IL2RA: variants seen among roughly 807,000 people sequenced by gnomAD.
IL2RA encodes the protein interleukin 2 receptor subunit alpha.
IL2RA carries 24 observed loss-of-function variants against 37.8 expected under a neutral mutation model. That is an observed-to-expected ratio of 0.63 (90% CI 0.46 to 0.89). IL2RA has a LOEUF of 0.89. IL2RA is among the 40% of genes least tolerant of loss of function. IL2RA has a pLI of 0.00. For synonymous variants in IL2RA, 125 were observed against 114.6 expected (o/e 1.09, Z -0.58); for missense variants, 319 against 348.6 (o/e 0.92, Z 0.68).
chr10:6,016,711 T>C (rs974257559), intron 7 of IL2RA, among the ~76,000 whole-genome samples: 2 of 152,154 alleles, frequency 1.3e-5, no homozygotes, highest in African/African-American at 4.8e-5. Flanking sequence ...TAGCTGGGAT[T>C]ACAGGCACCC....
At chr10:6,013,045 G>A in intron 7 of IL2RA, 149 bp from the exon 8 acceptor site, 2 of 750,894 alleles carry the variant, frequency 2.7e-6, no homozygotes, top group Non-Finnish European at 2.3e-6. Context: ...GGCCAGGCTG[G>A]TCTCGAACTC....
chr10:6,019,612 A>G (rs1839346449), intron 5 of IL2RA, 113 bp from the exon 6 acceptor site: 1 of 864,110 alleles, frequency 1.2e-6, no homozygotes, highest in Non-Finnish European at 2.0e-6. Context: ...CTGGTGGGAG[A>G]CACGTGGTGG....
intron 1 of IL2RA, among the ~76,000 whole-genome samples, chr10:6,050,913 GTGAAAGGT>G (rs1839943309): frequency 6.6e-6 from 1 of 152,202 alleles, no homozygotes; most frequent in South Asian, 2.1e-4. Context: ...GGTCCGGTGG[GTGAAAGGT>G]AGTGAAAGCC....
chr10:6,059,485 T>C (rs988925936), intron 1 of IL2RA, among the ~76,000 whole-genome samples: 2 of 152,228 alleles, frequency 1.3e-5, no homozygotes, highest in Non-Finnish European at 2.9e-5. Flanking sequence ...TAAATTTTCT[T>C]GTAGTTCTTT....
intron 7 of IL2RA, among the ~76,000 whole-genome samples, chr10:6,013,908 T>G (rs1305173058): frequency 6.7e-6 from 1 of 149,968 alleles, no homozygotes. Flanking sequence ...CACAGCTCAC[T>G]GCAATCTTGA....
chr10:6,061,825 T>C (rs1397655945), intron 1 of IL2RA, among the ~76,000 whole-genome samples: 1 of 152,170 alleles, frequency 6.6e-6, no homozygotes, highest in African/African-American at 2.4e-5. Context: ...ATCCCAAATA[T>C]CATGCCACAC....
In IL2RA at chr10:6,025,375, G is replaced by A. The variant is rs1839464767; in HGVS notation, c.256+459C>T. 6.6e-6 allele frequency among the ~76,000 whole-genome samples: 1 copy of A among 151,678 alleles called. No individual in the cohort carries two copies. The highest frequency in any genetic ancestry group is 6.6e-5 in the Admixed American group (1 of 15,210). ...TCAAAAATAAAAATAAAATTGTGTG[G>A]CCGGGCACTGTGACTCATGCCTGTA... is the stretch of plus-strand genomic sequence containing the variant. On this transcript the variant is annotated intron_variant, in intron 2 of 7. Coordinates refer to ENST00000379959, the MANE Select transcript of IL2RA (RefSeq NM_000417.3). This position sits in a 1 kb window ranked among gnomAD's most constrained non-coding sequence, Gnocchi z 4.4.
In IL2RA at chr10:6,012,955, T is replaced by A. The variant is rs2132840793; in HGVS notation, c.795-59A>T. On this transcript the variant is annotated intron_variant, in intron 7 of 7. Coordinates refer to ENST00000379959, the MANE Select transcript of IL2RA (RefSeq NM_000417.3). The surrounding 1 kb of genome is among the most constrained non-coding windows in gnomAD (Gnocchi z 4.8). ...GTAACACGGCACCAAAAAAATGTGG[T>A]CCTCACTCTAAACCAGTGCACACGC... 8 of 1,551,432 alleles carry A rather than the reference T, an allele frequency of 5.2e-6. No homozygotes were observed. In the South Asian group the frequency reaches 8.9e-5, roughly 17 times the overall value.
intron 1 of IL2RA, among the ~76,000 whole-genome samples, chr10:6,037,649 G>C (rs946333601): frequency 6.6e-6 from 1 of 152,176 alleles, no homozygotes; most frequent in African/African-American, 2.4e-5. Context: ...TTCATCTTCT[G>C]TGTCAGAATC....
chr10:6,030,411 G>T (rs1481061383), intron 1 of IL2RA, among the ~76,000 whole-genome samples: 2 of 152,108 alleles, frequency 1.3e-5, no homozygotes, highest in Admixed American at 6.6e-5. Flanking sequence ...GAAAGGACAC[G>T]TACCTACAGC....
At chr10:6,031,733 A>G (rs138596056) in intron 1 of IL2RA, among the ~76,000 whole-genome samples, 3 of 152,024 alleles carry the variant, frequency 2.0e-5, no homozygotes, top group South Asian at 4.1e-4. Flanking sequence ...AAAATATACT[A>G]TCTTTATAGA....
chr10:6,026,755 A>C (rs756698002), intron 1 of IL2RA, among the ~76,000 whole-genome samples: 2 of 152,200 alleles, frequency 1.3e-5, no homozygotes, highest in Non-Finnish European at 2.9e-5. Context: ...TTGGGGGGAA[A>C]TATCACATGC....
Position 6,015,859 on chromosome 10 carries a change from G to A in IL2RA, c.794+2194C>T, listed in dbSNP as rs572775760. ...GACTATCCCAGACATAAAAGGCCAC[G>A]TGATTCCATTTACACGAAATGTCCA... On this transcript the variant is annotated intron_variant, in intron 7 of 7. Transcript: ENST00000379959. The surrounding 1 kb of genome is among the most constrained non-coding windows in gnomAD (Gnocchi z 4.9). Among the ~76,000 whole-genome samples the A allele has an allele frequency of 1.3e-5, 2 of 152,244 alleles. No individual in the cohort carries two copies. The highest frequency in any genetic ancestry group is 2.1e-4 in the South Asian group (1 of 4,824).
In IL2RA at chr10:6,036,576, G is replaced by A. The variant is rs7100984; in HGVS notation, c.65-10551C>T. 0.22 allele frequency: 34,084 copies of A among 152,152 alleles called. 4,715 individuals are homozygous for A. Among genetic ancestry groups the A allele is most frequent in the Non-Finnish European group, 0.31 (20,893 of 67,990 alleles). The allele number at this position is 152,152 out of a possible 1,614,324, so 9.4% of individuals were successfully genotyped here. A position where few individuals can be genotyped will look rare whatever the true frequency, so the allele number is the denominator to read the frequency against. On this transcript the variant is annotated intron_variant, in intron 1 of 7. Coordinates refer to ENST00000379959, the MANE Select transcript of IL2RA (RefSeq NM_000417.3). This position sits in a 1 kb window ranked among gnomAD's most constrained non-coding sequence, Gnocchi z 6.1. ...TAAACAGCAGCCTGGGCAGGCCAGCGGCTCTTCCCTGACGTGGAATTATGA... is the reference window on the plus strand; with the variant it reads ...TAAACAGCAGCCTGGGCAGGCCAGCAGCTCTTCCCTGACGTGGAATTATGA...
In IL2RA at chr10:6,036,984, G is replaced by A. The variant is rs1839694667; in HGVS notation, c.65-10959C>T. 6.6e-6 allele frequency among the ~76,000 whole-genome samples: 1 copy of A among 152,188 alleles called. No individual in the cohort carries two copies. Among genetic ancestry groups the A allele is most frequent in the Non-Finnish European group, 1.5e-5 (1 of 68,026 alleles). On this transcript the variant is annotated intron_variant, in intron 1 of 7. Coordinates refer to ENST00000379959, the MANE Select transcript of IL2RA (RefSeq NM_000417.3). This position sits in a 1 kb window ranked among gnomAD's most constrained non-coding sequence, Gnocchi z 6.1. ...CAAGCTCCTACATGATGCTGGGGCTGCAGAGCCCCAGGCCGCACTTGGAGT... is the reference window on the plus strand; with the variant it reads ...CAAGCTCCTACATGATGCTGGGGCTACAGAGCCCCAGGCCGCACTTGGAGT...
intron 3 of IL2RA, among the ~76,000 whole-genome samples, 182 bp downstream of exon 3, chr10:6,024,062 G>C (rs1839435785): frequency 6.6e-6 from 1 of 152,338 alleles, no homozygotes; most frequent in East Asian, 1.9e-4. Flanking sequence ...TAGTTGCTGA[G>C]CAAACAGCCT....
chr10:6,018,153 C>A lies in IL2RA; in HGVS notation c.728-34G>T. 1 of 1,592,096 alleles carries A rather than the reference C, an allele frequency of 6.3e-7. No individual in the cohort carries two copies. The highest frequency in any genetic ancestry group is 8.6e-7 in the Non-Finnish European group (1 of 1,160,952). ...AGAGAGAGGGAGTTCAGCAAAGGGCCCTGGGCTTGGCATGGGGGCAGCAGG... is the reference window on the plus strand; with the variant it reads ...AGAGAGAGGGAGTTCAGCAAAGGGCACTGGGCTTGGCATGGGGGCAGCAGG... On this transcript the variant is annotated intron_variant, in intron 6 of 7. Transcript: ENST00000379959. This position sits in a 1 kb window ranked among gnomAD's most constrained non-coding sequence, Gnocchi z 5.1.
intron 7 of IL2RA, among the ~76,000 whole-genome samples, chr10:6,013,493 GCA>G (rs1839225747): frequency 6.6e-6 from 1 of 152,036 alleles, no homozygotes; most frequent in Non-Finnish European, 1.5e-5. Context: ...TCCCTACTTT[GCA>G]CAGAGTTCCC....
chr10:6,032,196 T>C (rs890926203), intron 1 of IL2RA, among the ~76,000 whole-genome samples: 1 of 152,024 alleles, frequency 6.6e-6, no homozygotes, highest in African/African-American at 2.4e-5. Context: ...TTTTATTATA[T>C]ATATAAAGAT....
Sources: allele counts gnomAD v4.1 joint callset (sites outside exome capture counted in the v4.1 genomes callset), GRCh38; gene constraint gnomAD v4.1.1; non-coding constraint Gnocchi (gnomAD v3.1); transcripts MANE v1.5; gene names NCBI Gene and HGNC (gene_info 2026-07-23, HGNC 2026-07-21).